ITPRIP: variants seen among roughly 807,000 people sequenced by gnomAD.
ITPRIP encodes the protein inositol 1,4,5-trisphosphate receptor interacting protein.
A neutral mutation model predicts 35.8 loss-of-function variants in ITPRIP; 32 were observed. That is an observed-to-expected ratio of 0.89 (90% CI 0.68 to 1.20). ITPRIP has a LOEUF of 1.20. Ranked by LOEUF, ITPRIP falls within the 50% of genes most tolerant of loss-of-function variation. The pLI is 0.00. For missense variants in ITPRIP, 653 were observed against 735.6 expected, an observed-to-expected ratio of 0.89 and a Z score of 1.30; for synonymous variants, 358 against 324.0, an observed-to-expected ratio of 1.11 and a Z score of -1.13.
rs929472161 is a variant in ITPRIP, at chr10:104,328,323, G to C, written c.-14+9923C>G. 4.3e-5 allele frequency: 42 copies of C among 983,888 alleles called. No homozygotes were observed. The highest frequency in any genetic ancestry group is 2.9e-5 in the Non-Finnish European group (24 of 828,700). The allele number at this position is 983,888 out of a possible 1,614,324, so 60.9% of individuals were successfully genotyped here. On this transcript the variant is annotated intron_variant, in intron 1 of 1. Transcript: ENST00000337478. The surrounding 1 kb of genome is among the most constrained non-coding windows in gnomAD (Gnocchi z 4.1). ...CTGTGGCCGCATCTCACCCACAAGGGTGCTGGTTTGGAGAGAGCATGAATA... is the reference window on the plus strand; with the variant it reads ...CTGTGGCCGCATCTCACCCACAAGGCTGCTGGTTTGGAGAGAGCATGAATA...
At position 104,314,980 on chromosome 10, in the gene ITPRIP, C is replaced by G. The variant is rs1424160541; in HGVS notation, c.1072G>C (p.Asp358His). Residue 358 changes from aspartate (D) to histidine (H), a missense_variant, in exon 2 of 2, where the codon GAC becomes CAC. Physicochemically the swap from Asp to His is moderately conservative, Grantham distance 81. Transcript: ENST00000337478. ...GGAAGGTGGGAGACAAAGTACAGGT[C>G]CGAGTCATCACACTGGATCACAGGA... ...LIPVIQCDDS[D>H]LYFVSHLPRE... is the part of the protein sequence containing the mutation. 26 of 1,613,826 alleles carry G rather than the reference C, an allele frequency of 1.6e-5. No individual in the cohort carries two copies. Among genetic ancestry groups the G allele is most frequent in the Non-Finnish European group, 2.1e-5 (25 of 1,180,036 alleles).
rs112657779 is a variant in ITPRIP, at chr10:104,317,584, T to C, written c.-13-1520A>G. On this transcript the variant is annotated intron_variant, in intron 1 of 1. Coordinates refer to ENST00000337478, the MANE Select transcript of ITPRIP (RefSeq NM_001272013.2). Reference sequence around the variant, plus strand: ...CACTTGAACTACCCCCCTCCTTGCTTGGGACCTCGATGAAGGAAGCAAATG... The same window carrying C: ...CACTTGAACTACCCCCCTCCTTGCTCGGGACCTCGATGAAGGAAGCAAATG... Among the ~76,000 whole-genome samples the C allele has an allele frequency of 3.9e-3, 601 of 152,314 alleles. 4 individuals carry two copies. The highest frequency in any genetic ancestry group is 0.014 in the African/African-American group (582 of 41,554).
Position 104,313,093 on chromosome 10 carries a change from T to A in ITPRIP, c.*1315A>T. ...GCAGTGCCCACACAGAAGGGGTGGGTTCTGTGCAGTGAGGGAGCCCCGCTG... is the reference window on the plus strand; with the variant it reads ...GCAGTGCCCACACAGAAGGGGTGGGATCTGTGCAGTGAGGGAGCCCCGCTG... On this transcript the variant is annotated 3_prime_UTR_variant, in exon 2 of 2. Transcript: ENST00000337478. The A allele has an allele frequency of 1.0e-6, 1 of 985,184 alleles. No homozygotes were observed. Among genetic ancestry groups the A allele is most frequent in the Non-Finnish European group, 1.2e-6 (1 of 829,938 alleles). The allele number at this position is 985,184 out of a possible 1,614,324, so 61.0% of individuals were successfully genotyped here. A position where few individuals can be genotyped will look rare whatever the true frequency, so the allele number is the denominator to read the frequency against.
rs2013667951 is a variant in ITPRIP, at chr10:104,315,908, C to T, written c.144G>A (p.Leu48=). ...CCTCCAGGCGCAACTGCTCCAGCTG[C>T]AGCTTCTCCTGGTGCGCCTGCATCT... ...IRKMQAHQEK[L]QLEQLRLEEE... is the part of the protein sequence containing the mutation. The change falls in exon 2 of 2, where the codon CTG becomes CTA. Residue 48 remains leucine, a synonymous_variant. Coordinates refer to ENST00000337478, the MANE Select transcript of ITPRIP (RefSeq NM_001272013.2). This position sits in a 1 kb window ranked among gnomAD's most constrained non-coding sequence, Gnocchi z 5.7. The T allele has an allele frequency of 6.2e-7, 1 of 1,613,984 alleles. No individual in the cohort carries two copies.
In ITPRIP at chr10:104,315,438, G is replaced by T. The variant is rs2013640259; in HGVS notation, c.614C>A (p.Pro205Gln). 6.2e-7 allele frequency: 1 copy of T among 1,606,562 alleles called. No individual in the cohort carries two copies. The highest frequency in any genetic ancestry group is 1.1e-5 in the South Asian group (1 of 90,268). ...GGGCACGAAAAGGTGGCACAGCAGT[G>T]GCCTGTCCACCTGCCAGTTCTCGTA... ...SMYENWQVDR[P>Q]LLCHLFVPFT... The change falls in exon 2 of 2, where the codon CCA (proline) becomes CAA (glutamine). Residue 205 changes from proline (P) to glutamine (Q), a missense_variant. Coordinates refer to ENST00000337478, the MANE Select transcript of ITPRIP (RefSeq NM_001272013.2). The surrounding 1 kb of genome is among the most constrained non-coding windows in gnomAD (Gnocchi z 5.7).
At chr10:104,324,122 A>G (rs1020319246) in intron 1 of ITPRIP, 7 of 152,418 alleles carry the variant, frequency 4.6e-5, no homozygotes, top group African/African-American at 1.4e-4. Context: ...CTTGTTGCCT[A>G]ACTCAGGACA....
Position 104,313,059 on chromosome 10 carries a change from G to C in ITPRIP, c.*1349C>G. 9 of 985,428 alleles carry C rather than the reference G, an allele frequency of 9.1e-6. No homozygotes were observed. The highest frequency in any genetic ancestry group is 1.1e-5 in the Non-Finnish European group (9 of 829,996). 61.0% of individuals were successfully genotyped at this position (985,428 alleles called of 1,614,324 possible). ...CAGGCTCTTTGGGTCTGGGTCATCT[G>C]TGTGGTCAGCAGTGCCCACACAGAA... On this transcript the variant is annotated 3_prime_UTR_variant, in exon 2 of 2. Transcript: ENST00000337478.
In ITPRIP at chr10:104,312,962, G is replaced by T; in HGVS notation, c.*1446C>A. Reference sequence around the variant, plus strand: ...TCAAAGGGCCAGTGAAGCCACAGGTGGAAAAGAGCCTTCCTGATCCCCCTG... The same window carrying T: ...TCAAAGGGCCAGTGAAGCCACAGGTTGAAAAGAGCCTTCCTGATCCCCCTG... On this transcript the variant is annotated 3_prime_UTR_variant, in exon 2 of 2. Coordinates refer to ENST00000337478, the MANE Select transcript of ITPRIP (RefSeq NM_001272013.2). 1 of 985,486 alleles carries T rather than the reference G, an allele frequency of 1.0e-6. No homozygotes were observed. Among genetic ancestry groups the T allele is most frequent in the Non-Finnish European group, 1.2e-6 (1 of 829,972 alleles). The allele number at this position is 985,486 out of a possible 1,614,324, so 61.0% of individuals were successfully genotyped here.
Position 104,314,384 on chromosome 10 carries a change from G to A in ITPRIP, c.*24C>T. ...GAGGGATGCCCTCATCTTAGCTCGA[G>A]GATCCCACATTCTGTAAAAGACGTC... On this transcript the variant is annotated 3_prime_UTR_variant, in exon 2 of 2. Transcript: ENST00000337478. The A allele has an allele frequency of 6.3e-7, 1 of 1,586,418 alleles. No homozygotes were observed. The highest frequency in any genetic ancestry group is 1.1e-5 in the South Asian group (1 of 87,760).
intron 1 of ITPRIP, among the ~76,000 whole-genome samples, chr10:104,336,988 C>A (rs567001265): frequency 2.0e-5 from 3 of 152,154 alleles, no homozygotes; most frequent in African/African-American, 7.2e-5. Flanking sequence ...TCATGGTTAC[C>A]CACAAGTGGA....
intron 1 of ITPRIP, among the ~76,000 whole-genome samples, chr10:104,337,525 C>T (rs1267448383): frequency 1.3e-5 from 2 of 150,888 alleles, no homozygotes; most frequent in African/African-American, 4.9e-5. Flanking sequence ...TAAGAGAAAG[C>T]GTTTTGGATG....
At chr10:104,325,185 A>T (rs1441552376) in intron 1 of ITPRIP, among the ~76,000 whole-genome samples, 2 of 152,172 alleles carry the variant, frequency 1.3e-5, no homozygotes, top group Non-Finnish European at 1.5e-5. Flanking sequence ...GCGCCACTGC[A>T]CTCCAACTTG....
At position 104,314,768 on chromosome 10, in the gene ITPRIP, G is replaced by A; in HGVS notation, c.1284C>T (p.Leu428=). 1 of 1,613,968 alleles carries A rather than the reference G, an allele frequency of 6.2e-7. No individual in the cohort carries two copies. The highest frequency in any genetic ancestry group is 8.5e-7 in the Non-Finnish European group (1 of 1,180,004). The change falls in exon 2 of 2, where the codon CTC becomes CTT. Residue 428 remains leucine, a synonymous_variant. Transcript: ENST00000337478. ...GGGCCGTCTTCAGGTGGTAGCTGCTGAGCCCGCTGGGACCGGTCAGGCGGC... is the reference window on the plus strand; with the variant it reads ...GGGCCGTCTTCAGGTGGTAGCTGCTAAGCCCGCTGGGACCGGTCAGGCGGC... ...KQSRLTGPSG[L]SSYHLKTALL...
chr10:104,315,630 G>A lies in ITPRIP; in HGVS notation c.422C>T (p.Thr141Met), dbSNP rs150177134. The change falls in exon 2 of 2, where the codon ACG becomes ATG. Residue 141 changes from threonine to methionine, a missense_variant. Thr to Met is a moderately conservative substitution (Grantham distance 81). Transcript: ENST00000337478. The surrounding 1 kb of genome is among the most constrained non-coding windows in gnomAD (Gnocchi z 5.7). ...GCAGCGCTCATAAAAGTGGCCAAGC[G>A]TGGCCTTGTTGGGCAGGGTGAGGCC... ...LQGLTLPNKA[T>M]LGHFYERCIR... 2 of 1,612,620 alleles carry A rather than the reference G, an allele frequency of 1.2e-6. No individual in the cohort carries two copies. Among genetic ancestry groups the A allele is most frequent in the African/African-American group, 2.7e-5 (2 of 75,072 alleles).
Position 104,314,137 on chromosome 10 carries a change from A to C in ITPRIP, c.*271T>G, listed in dbSNP as rs185571035. 1 of 1,240,438 alleles carries C rather than the reference A, an allele frequency of 8.1e-7. No homozygotes were observed. Among genetic ancestry groups the C allele is most frequent in the Non-Finnish European group, 1.0e-6 (1 of 988,114 alleles). The allele number at this position is 1,240,438 out of a possible 1,614,324, so 76.8% of individuals were successfully genotyped here. On this transcript the variant is annotated 3_prime_UTR_variant, in exon 2 of 2. Transcript: ENST00000337478. ...AGCGTGTTCTGCCACCATCTTGGCC[A>C]TTCATGGTGATCCAGAAGTAAACTG...
rs1412185064 is a variant in ITPRIP, at chr10:104,328,424, C to T, written c.-14+9822G>A. ...CTCTCTCCACCCCATGATCTACACACCCCCTGCCTCCAAGCAGAGCCACAA... is the reference window on the plus strand; with the variant it reads ...CTCTCTCCACCCCATGATCTACACATCCCCTGCCTCCAAGCAGAGCCACAA... On this transcript the variant is annotated intron_variant, in intron 1 of 1. Coordinates refer to ENST00000337478, the MANE Select transcript of ITPRIP (RefSeq NM_001272013.2). The surrounding 1 kb of genome is among the most constrained non-coding windows in gnomAD (Gnocchi z 4.1). 2.0e-5 allele frequency among the ~76,000 whole-genome samples: 3 copies of T among 152,116 alleles called. No individual in the cohort carries two copies. The highest frequency in any genetic ancestry group is 6.5e-5 in the Admixed American group (1 of 15,280).
At chr10:104,319,545 A>G (rs770125010) in intron 1 of ITPRIP, among the ~76,000 whole-genome samples, 3 of 151,946 alleles carry the variant, frequency 2.0e-5, no homozygotes, top group Non-Finnish European at 4.4e-5. Context: ...TTCTCACGTA[A>G]TCCATCTCCC....
At chr10:104,323,390 A>G (rs2013905648) in intron 1 of ITPRIP, 1 of 152,278 alleles carries the variant, frequency 6.6e-6, no homozygotes, top group Non-Finnish European at 1.5e-5. Context: ...GGCCTCTAGG[A>G]TTCCTGAGTC....
chr10:104,337,772 G>C (rs944561356), intron 1 of ITPRIP, among the ~76,000 whole-genome samples: 1 of 152,070 alleles, frequency 6.6e-6, no homozygotes, highest in African/African-American at 2.4e-5. Flanking sequence ...AAAACTTCAC[G>C]CCTATTCCTC....
Sources: gnomAD v4.1 joint callset for allele counts (sites outside exome capture counted in the v4.1 genomes callset) on GRCh38, gnomAD v4.1.1 for gene constraint, Gnocchi (gnomAD v3.1) non-coding constraint, MANE v1.5 for transcripts, NCBI Gene and HGNC (gene_info 2026-07-23, HGNC 2026-07-21) for gene names.